The following EIF2D variants were observed in gnomAD, a reference collection of about 807,000 sequenced individuals.
EIF2D encodes the protein eukaryotic translation initiation factor 2D.
A neutral mutation model predicts 77.4 loss-of-function variants in EIF2D; 56 were observed. The ratio of observed to expected loss-of-function variants is 0.72; its 90% CI spans 0.58 to 0.90. EIF2D has a LOEUF of 0.90. Among genes scored for constraint, EIF2D ranks in the 40% least tolerant of loss-of-function variants. The pLI is 0.00. For synonymous variants in EIF2D, 230 were observed against 271.0 expected (o/e 0.85, Z 1.49); for missense variants, 574 against 706.5 (o/e 0.81, Z 2.13).
intron 13 of EIF2D, 160 bp from the exon 14 acceptor site, chr1:206,593,953 G>A (rs1417677070): frequency 1.7e-6 from 1 of 583,442 alleles, no homozygotes; most frequent in Non-Finnish European, 2.8e-6. Flanking sequence ...ACTTATTTTT[G>A]TGCTTCTAAA....
chr1:206,602,471 G>A lies in EIF2D; in HGVS notation c.785-18C>T. 1 of 1,605,220 alleles carries A rather than the reference G, an allele frequency of 6.2e-7. No individual in the cohort carries two copies. Among genetic ancestry groups the A allele is most frequent in the South Asian group, 1.1e-5 (1 of 90,904 alleles). ...CATTTGTTCTGCAGGGAAAAGACAAGAGCCACATCCTTCCTGAGGGATACA... is the reference window on the plus strand; with the variant it reads ...CATTTGTTCTGCAGGGAAAAGACAAAAGCCACATCCTTCCTGAGGGATACA... On this transcript the variant is annotated intron_variant, in intron 6 of 14. Coordinates refer to ENST00000271764, the MANE Select transcript of EIF2D (RefSeq NM_006893.3).
intron 2 of EIF2D, chr1:206,583,390 G>A (rs370992288): frequency 1.6e-5 from 26 of 1,585,176 alleles, no homozygotes; most frequent in Middle Eastern, 1.7e-4. Flanking sequence ...GTAAGCGCCC[G>A]TCCACCCTCA....
intron 2 of EIF2D, 181 bp downstream of exon 2, chr1:206,611,003 T>C (rs1174321191): frequency 4.3e-5 from 24 of 555,732 alleles, no homozygotes; most frequent in Non-Finnish European, 7.1e-5. Flanking sequence ...AGAAAACCTT[T>C]TGCATCCTAG....
intron 3 of EIF2D, chr1:206,580,776 G>C (rs1359801434): frequency 6.6e-6 from 1 of 152,276 alleles, no homozygotes; most frequent in Non-Finnish European, 1.5e-5. Flanking sequence ...GACCTGGGAA[G>C]GCACACAGGA....
At chr1:206,581,881 AG>A (rs1302068204) in intron 2 of EIF2D, among the ~76,000 whole-genome samples, 1 of 151,744 alleles carries the variant, frequency 6.6e-6, no homozygotes, top group African/African-American at 2.4e-5. Context: ...TCTGTCACGG[AG>A]GGGGGGCCCT....
At chr1:206,575,038 T>C (rs1165181071) in intron 4 of EIF2D, among the ~76,000 whole-genome samples, 1 of 112,608 alleles carries the variant, frequency 8.9e-6, no homozygotes, top group Non-Finnish European at 2.1e-5. Context: ...GTTTTTGTTT[T>C]TTTTTTTAGA....
chr1:206,593,869 A>C, intron 13 of EIF2D, 76 bp from the exon 14 acceptor site: 1 of 1,395,928 alleles, frequency 7.2e-7, no homozygotes, highest in South Asian at 1.4e-5. Context: ...CCAGAGCCTC[A>C]GCAGCCTTCT....
intron 4 of EIF2D, among the ~76,000 whole-genome samples, chr1:206,580,513 C>G (rs1553406073): frequency 6.6e-6 from 1 of 152,144 alleles, no homozygotes; most frequent in Non-Finnish European, 1.5e-5. Context: ...GGGCCAGGGT[C>G]AGGCACATCT....
At chr1:206,608,665 C>T (rs531723885) in intron 3 of EIF2D, among the ~76,000 whole-genome samples, 33 of 152,302 alleles carry the variant, frequency 2.2e-4, no homozygotes, top group African/African-American at 7.9e-4. Flanking sequence ...AATAGCAGGA[C>T]ATTTATTTTT....
chr1:206,607,868 A>C (rs1264069102), intron 4 of EIF2D, among the ~76,000 whole-genome samples: 1 of 152,202 alleles, frequency 6.6e-6, no homozygotes, highest in African/African-American at 2.4e-5. Flanking sequence ...TTAATTTCTT[A>C]GTTGTAATAA....
chr1:206,600,661 G>A (rs999185368), intron 7 of EIF2D: 4 of 181,504 alleles, frequency 2.2e-5, no homozygotes, highest in South Asian at 1.4e-4. Flanking sequence ...TGAAAATAGC[G>A]ACATGTGGCC....
At chr1:206,595,862 A>G in intron 12 of EIF2D, 24 bp from the exon 13 acceptor site, 1 of 1,612,842 alleles carries the variant, frequency 6.2e-7, no homozygotes, top group South Asian at 1.1e-5. Flanking sequence ...TATGAGTTGC[A>G]AACTGATAAA....
At chr1:206,587,090 G>T, downstream of EIF2D, 1 of 1,346,350 alleles carries the variant, frequency 7.4e-7, no homozygotes, top group Non-Finnish European at 1.0e-6. Context: ...ATTTGTGCCT[G>T]CCCAGCAGTT....
In EIF2D at chr1:206,609,279, A is replaced by G; in HGVS notation, c.331+97T>C. 2.4e-6 allele frequency: 3 copies of G among 1,264,360 alleles called. No individual in the cohort carries two copies. The East Asian group carries it at 7.0e-5, about 29-fold the overall frequency. The allele number at this position is 1,264,360 out of a possible 1,614,324, so 78.3% of individuals were successfully genotyped here. ...ATAGGGGAAAAAATTCCATTTTTCA[A>G]CCACAAAAACACAGGAAATGGGTAA... is the stretch of plus-strand genomic sequence containing the variant. On this transcript the variant is annotated intron_variant, in intron 3 of 14. Coordinates refer to ENST00000271764, the MANE Select transcript of EIF2D (RefSeq NM_006893.3).
chr1:206,589,202 A>C (rs1669261128), downstream of EIF2D: 1 of 152,702 alleles, frequency 6.5e-6, no homozygotes, highest in Non-Finnish European at 1.5e-5. Flanking sequence ...GTTTGTTTCC[A>C]GGATATTTTC....
chr1:206,579,112 A>T lies in EIF2D; in HGVS notation c.*254+1580T>A, dbSNP rs1411495929. Among the ~76,000 whole-genome samples the T allele has an allele frequency of 6.6e-6, 1 of 152,080 alleles. No individual in the cohort carries two copies. The highest frequency in any genetic ancestry group is 1.5e-5 in the Non-Finnish European group (1 of 68,016). ...ATCACCTCCAGAGCTAAAAGAAGAC[A>T]TTGCCCTTTTCCACCGCATAGGACA... On this transcript the variant is annotated intron_variant and NMD_transcript_variant, in intron 4 of 5. Transcript: ENST00000472709. This position sits in a 1 kb window ranked among gnomAD's most constrained non-coding sequence, Gnocchi z 4.2.
At chr1:206,612,169 G>A in intron 1 of EIF2D, 118 bp downstream of exon 1, 11 of 1,388,300 alleles carry the variant, frequency 7.9e-6, no homozygotes, top group Non-Finnish European at 3.1e-6. Context: ...CCCTTCCCTG[G>A]CATACCCCTC....
chr1:206,575,277 T>C (rs1668598028), intron 4 of EIF2D, among the ~76,000 whole-genome samples: 1 of 152,142 alleles, frequency 6.6e-6, no homozygotes, highest in Non-Finnish European at 1.5e-5. Context: ...GGCCTGAGGC[T>C]TTCCTCCCTG....
chr1:206,576,923 C>T (rs565722073), intron 4 of EIF2D, among the ~76,000 whole-genome samples: 1 of 152,112 alleles, frequency 6.6e-6, no homozygotes, highest in African/African-American at 2.4e-5. Context: ...CCCACCTCAG[C>T]CTCCTGAGTA....
Sources: allele counts gnomAD v4.1 joint callset (sites outside exome capture counted in the v4.1 genomes callset), GRCh38; gene constraint gnomAD v4.1.1; non-coding constraint Gnocchi (gnomAD v3.1); transcripts MANE v1.5; gene names NCBI Gene and HGNC (gene_info 2026-07-23, HGNC 2026-07-21).